RASA1: variants seen among roughly 807,000 people sequenced by gnomAD.
The protein encoded by RASA1 is ras GTPase-activating protein 1.
In RASA1, 25 loss-of-function variants were observed where a neutral mutation model predicts 132.2. The ratio of observed to expected loss-of-function variants is 0.19; its 90% CI spans 0.14 to 0.26. The LOEUF (loss-of-function observed/expected upper bound fraction) is 0.26. Ranked by LOEUF, RASA1 falls within the 10% of genes least tolerant of loss-of-function variation. The probability of loss-of-function intolerance (pLI) is 1.00; values close to 1 mark genes in which losing one functional copy is unlikely to be tolerated. For synonymous variants in RASA1, 477 were observed against 449.9 expected (o/e 1.06, Z -0.76); for missense variants, 964 against 1,299.2 (o/e 0.74, Z 3.97).
intron 5 of RASA1, among the ~76,000 whole-genome samples, chr5:87,338,504 TATA>T (rs1447425134): frequency 5.0e-4 from 6 of 11,928 alleles, no homozygotes; most frequent in Non-Finnish European, 1.2e-3. Context: ...GCTAATTTTA[TATA>T]TATATATATA....
In RASA1 at chr5:87,341,271, C is replaced by T. The variant is rs770592409; in HGVS notation, c.1018-19C>T. 15 of 1,302,328 alleles carry T rather than the reference C, an allele frequency of 1.2e-5. No individual in the cohort carries two copies. Among genetic ancestry groups the T allele is most frequent in the Admixed American group, 3.7e-5 (1 of 27,192 alleles). The allele number at this position is 1,302,328 out of a possible 1,614,324, so 80.7% of individuals were successfully genotyped here. A position where few individuals can be genotyped will look rare whatever the true frequency, so the allele number is the denominator to read the frequency against. On this transcript the variant is annotated intron_variant, in intron 5 of 24. Coordinates refer to ENST00000274376, the MANE Select transcript of RASA1 (RefSeq NM_002890.3). ...AATAGTTAATTATATAAAATACTGT[C>T]TTAATGTCTTCCCTTTAGGGCCGGG... is the stretch of plus-strand genomic sequence containing the variant.
rs745698926 is a variant in RASA1, at chr5:87,268,557, G to C, written c.106G>C (p.Val36Leu). 6.2e-7 allele frequency: 1 copy of C among 1,604,976 alleles called. No homozygotes were observed. Among genetic ancestry groups the C allele is most frequent in the African/African-American group, 1.3e-5 (1 of 74,878 alleles). ...CAGTGCCTATCCCGCAGTGTGTCGG[G>C]TGAAGATACCCGCGGCCCTGCCTGT... The part of the protein sequence containing the change: ...GSSAYPAVCR[V>L]KIPAALPVAA... Residue 36 changes from valine to leucine, a missense_variant, in exon 1 of 25, where the codon GTG becomes CTG. By Grantham distance (32) the Val-to-Leu change is conservative (BLOSUM62 1). Transcript: ENST00000274376.
chr5:87,367,201 A>G (rs531749561), intron 11 of RASA1, among the ~76,000 whole-genome samples: 1 of 152,368 alleles, frequency 6.6e-6, no homozygotes, highest in Admixed American at 6.5e-5. Flanking sequence ...GGAAATGAGA[A>G]GACATCTGTA....
intron 15 of RASA1, 162 bp from the exon 16 acceptor site, chr5:87,376,231 A>T (rs1467476798): frequency 1.3e-6 from 1 of 784,640 alleles, no homozygotes; most frequent in Non-Finnish European, 2.1e-6. Context: ...GTAGACACTC[A>T]GTAAATAAAC....
At chr5:87,333,195 G>A (rs2112371194) in intron 3 of RASA1, 72 bp from the exon 4 acceptor site, 1 of 1,568,720 alleles carries the variant, frequency 6.4e-7, no homozygotes, top group Non-Finnish European at 8.6e-7. Flanking sequence ...TTGGCTTTAT[G>A]TGGATATACC....
At chr5:87,362,767 TGA>T in intron 10 of RASA1, 96 bp downstream of exon 10, 2 of 1,415,290 alleles carry the variant, frequency 1.4e-6, no homozygotes, top group South Asian at 2.4e-5. Flanking sequence ...AGTTTTGACA[TGA>T]GTTATTAGTA....
At chr5:87,369,507 G>A (rs1330123629) in intron 11 of RASA1, among the ~76,000 whole-genome samples, 1 of 152,072 alleles carries the variant, frequency 6.6e-6, no homozygotes, top group Non-Finnish European at 1.5e-5. Context: ...CAAATTAGCT[G>A]TGTGCAGTTC....
intron 1 of RASA1, among the ~76,000 whole-genome samples, chr5:87,325,998 GTC>G (rs1281293792): frequency 6.6e-6 from 1 of 151,966 alleles, no homozygotes; most frequent in Non-Finnish European, 1.5e-5. Context: ...CTGTGACAGG[GTC>G]TCTCTCTGTT....
In RASA1 at chr5:87,268,295, G is replaced by C. The variant is rs907829135; in HGVS notation, c.-157G>C. ...GGGAGCCTGGGCTGTGGCCCTAGGAGGGGGCGCGGCGGCGGGCTCTCTCCT... is the reference window on the plus strand; with the variant it reads ...GGGAGCCTGGGCTGTGGCCCTAGGACGGGGCGCGGCGGCGGGCTCTCTCCT... On this transcript the variant is annotated 5_prime_UTR_variant, in exon 1 of 25. Coordinates refer to ENST00000274376, the MANE Select transcript of RASA1 (RefSeq NM_002890.3). The C allele has an allele frequency of 4.5e-6, 5 of 1,099,126 alleles. No individual in the cohort carries two copies. The highest frequency in any genetic ancestry group is 6.3e-6 in the Non-Finnish European group (5 of 794,438). The allele number at this position is 1,099,126 out of a possible 1,614,324, so 68.1% of individuals were successfully genotyped here. A position where few individuals can be genotyped will look rare whatever the true frequency, so the allele number is the denominator to read the frequency against.
At chr5:87,366,370 C>CT (rs1561313902) in intron 11 of RASA1, 1 of 431,024 alleles carries the variant, frequency 2.3e-6, no homozygotes, top group African/African-American at 2.0e-5. Flanking sequence ...GATTGGAAGT[C>CT]TGTTGGCACA....
At chr5:87,329,482 A>G (rs967665098) in intron 1 of RASA1, among the ~76,000 whole-genome samples, 1 of 152,030 alleles carries the variant, frequency 6.6e-6, no homozygotes, top group African/African-American at 2.4e-5. Flanking sequence ...ACCACAAATA[A>G]ACATATATAT....
intron 1 of RASA1, among the ~76,000 whole-genome samples, chr5:87,275,531 C>T (rs1183780476): frequency 1.3e-5 from 2 of 151,906 alleles, no homozygotes; most frequent in Non-Finnish European, 2.9e-5. Flanking sequence ...ATTTCCCTCT[C>T]TCTTCCTACC....
At chr5:87,277,004 CA>C (rs1226022388) in intron 1 of RASA1, among the ~76,000 whole-genome samples, 3 of 151,952 alleles carry the variant, frequency 2.0e-5, no homozygotes, top group Non-Finnish European at 2.9e-5. Context: ...ATTTATAATT[CA>C]TTTTTTTTTA....
chr5:87,350,340 A>AG (rs1759170886), intron 8 of RASA1, among the ~76,000 whole-genome samples: 1 of 151,804 alleles, frequency 6.6e-6, no homozygotes, highest in Non-Finnish European at 1.5e-5. Context: ...CACTGAAAAT[A>AG]CAGCTAGCTG....
rs138205522 is a variant in RASA1, at chr5:87,337,207, T to C, written c.900-767T>C. ...TTCAAGAATTACTAATGGTTTTATA[T>C]TGATGAAATACATCAGCAACTTGTT... On this transcript the variant is annotated intron_variant, in intron 4 of 24. Coordinates refer to ENST00000274376, the MANE Select transcript of RASA1 (RefSeq NM_002890.3). 2.0e-4 allele frequency among the ~76,000 whole-genome samples: 31 copies of C among 152,252 alleles called. No homozygotes were observed. The East Asian group carries it at 5.8e-3, about 28-fold the overall frequency.
Position 87,389,472 on chromosome 5 carries a change from G to A in RASA1, c.3005G>A (p.Cys1002Tyr). The A allele has an allele frequency of 6.2e-7, 1 of 1,614,174 alleles. No homozygotes were observed. The highest frequency in any genetic ancestry group is 8.5e-7 in the Non-Finnish European group (1 of 1,180,002). ...GATTTAGCAGCATTGCATGAGATTT[G>A]CGTGGCTCATTCAGATGAACTTCGA... Reference protein sequence around the residue: ...SRDLAALHEICVAHSDELRTL... With the variant: ...SRDLAALHEIYVAHSDELRTL... Residue 1002 changes from cysteine (C) to tyrosine (Y), a missense_variant, in exon 24 of 25, where the codon TGC becomes TAC. Cys to Tyr is a radical substitution (Grantham distance 194). Coordinates refer to ENST00000274376, the MANE Select transcript of RASA1 (RefSeq NM_002890.3).
At chr5:87,353,878 C>T (rs1235742118) in intron 9 of RASA1, among the ~76,000 whole-genome samples, 1 of 152,048 alleles carries the variant, frequency 6.6e-6, no homozygotes, top group African/African-American at 2.4e-5. Context: ...CTGTTTCTTC[C>T]TCATTGCACT....
intron 1 of RASA1, among the ~76,000 whole-genome samples, chr5:87,308,597 A>G (rs1439639994): frequency 6.6e-6 from 1 of 152,196 alleles, no homozygotes; most frequent in Non-Finnish European, 1.5e-5. Flanking sequence ...GGTAGTAACC[A>G]TTGCTGTTGT....
At chr5:87,338,536 A>ATATATATATATATTTTTTTTTTTTTTTT in intron 5 of RASA1, among the ~76,000 whole-genome samples, 2 of 85,216 alleles carry the variant, frequency 2.3e-5, no homozygotes, top group African/African-American at 8.9e-5. Flanking sequence ...TATATATAAA[A>ATATATATATATATTTTTTTTTTTTTTTT]TTTTTTTTTT....
Sources: gnomAD v4.1 joint callset for allele counts (sites outside exome capture counted in the v4.1 genomes callset) on GRCh38, gnomAD v4.1.1 for gene constraint, MANE v1.5 for transcripts, NCBI Gene and HGNC (gene_info 2026-07-23, HGNC 2026-07-21) for gene names.